Variants in SEC63 observed in about 807,000 individuals in gnomAD.
The protein encoded by SEC63 is SEC63 protein translocation regulator, also known as translocation protein SEC63 homolog.
SEC63 carries 56 observed loss-of-function variants against 116.2 expected under a neutral mutation model. That is an observed-to-expected ratio of 0.48 (90% CI 0.39 to 0.60). The LOEUF is 0.60. Ranked by LOEUF, SEC63 falls within the 20% of genes least tolerant of loss-of-function variation. The pLI is 0.00. For missense variants in SEC63, 668 were observed against 900.0 expected, an observed-to-expected ratio of 0.74 and a Z score of 3.30; for synonymous variants, 273 against 294.6, an observed-to-expected ratio of 0.93 and a Z score of 0.75.
chr6:107,903,471 T>A (rs368085153), intron 11 of SEC63, among the ~76,000 whole-genome samples: 3 of 149,648 alleles, frequency 2.0e-5, no homozygotes, highest in East Asian at 3.9e-4. Context: ...GAAGCTGAAG[T>A]GGGAGGATTG....
chr6:107,922,462 C>T (rs774226603), intron 3 of SEC63, among the ~76,000 whole-genome samples: 18 of 152,298 alleles, frequency 1.2e-4, no homozygotes, highest in South Asian at 4.1e-4. Flanking sequence ...GCTGAGACTA[C>T]GCCACTGCAC....
At chr6:107,873,592 T>C (rs1786185137) in intron 19 of SEC63, among the ~76,000 whole-genome samples, 1 of 151,492 alleles carries the variant, frequency 6.6e-6, no homozygotes, top group Non-Finnish European at 1.5e-5. Flanking sequence ...CTTAAATTAA[T>C]CTCAGTTTGG....
At chr6:107,931,749 CAA>C (rs34648738) in intron 1 of SEC63, 139 of 144,132 alleles carry the variant, frequency 9.6e-4, no homozygotes, top group Middle Eastern at 3.5e-3. Context: ...TCCGTCTCAA[CAA>C]AAAAAAAAAA....
At chr6:107,932,612 G>GA (rs529366390) in intron 1 of SEC63, among the ~76,000 whole-genome samples, 267 of 152,242 alleles carry the variant, frequency 1.8e-3, no homozygotes, top group Non-Finnish European at 2.8e-3. Flanking sequence ...AAAAAGGAGT[G>GA]AAAAAATAGA....
At chr6:107,912,069 T>C (rs551899788) in intron 6 of SEC63, among the ~76,000 whole-genome samples, 2 of 152,312 alleles carry the variant, frequency 1.3e-5, no homozygotes, top group South Asian at 4.1e-4. Context: ...TGCCAGATAA[T>C]AACTTAATAG....
At chr6:107,881,315 A>G in intron 17 of SEC63, 65 bp from the exon 18 acceptor site, 4 of 1,139,214 alleles carry the variant, frequency 3.5e-6, no homozygotes, top group South Asian at 1.3e-5. Context: ...AAGGATTTCC[A>G]GGTATTATTC....
At chr6:107,885,020 G>A (rs538489947) in intron 16 of SEC63, among the ~76,000 whole-genome samples, 4 of 151,594 alleles carry the variant, frequency 2.6e-5, no homozygotes, top group African/African-American at 7.2e-5. Flanking sequence ...TTCCTTAACC[G>A]GACAAAGAAT....
rs1367261673 is a variant in SEC63 at position 107,908,955 on chromosome 6, A to C, written c.705T>G (p.Val235=). The C allele has an allele frequency of 6.2e-7, 1 of 1,611,860 alleles. No homozygotes were observed. The highest frequency in any genetic ancestry group is 2.2e-5 in the East Asian group (1 of 44,846). ...IRTTQIYTYF[V]YKTRNMDMKR... Reference sequence around the variant, plus strand: ...TCATATCCATATTTCGGGTTTTATAAACAAAGTATGTATAAATCTGTGTTG... The same window carrying C: ...TCATATCCATATTTCGGGTTTTATACACAAAGTATGTATAAATCTGTGTTG... Residue 235 remains valine, a synonymous_variant, in exon 8 of 21, where the codon GTT becomes GTG. Transcript: ENST00000369002.
At chr6:107,892,263 C>G (rs1054907319) in intron 16 of SEC63, among the ~76,000 whole-genome samples, 1 of 152,050 alleles carries the variant, frequency 6.6e-6, no homozygotes, top group Non-Finnish European at 1.5e-5. Flanking sequence ...AGGAGGCAGT[C>G]TGGCCGCAGT....
At chr6:107,953,509 C>G (rs1770623120) in intron 1 of SEC63, among the ~76,000 whole-genome samples, 1 of 148,568 alleles carries the variant, frequency 6.7e-6, no homozygotes, top group African/African-American at 2.5e-5. Flanking sequence ...GCCGCCCCGT[C>G]CGGGAGGGAG....
At chr6:107,893,374 C>G in intron 16 of SEC63, 108 bp downstream of exon 16, 1 of 1,057,058 alleles carries the variant, frequency 9.5e-7, no homozygotes, top group African/African-American at 1.6e-5. Flanking sequence ...TAGGGTATCA[C>G]GGGTGCATAA....
chr6:107,952,338 A>G (rs1221015025), intron 1 of SEC63, among the ~76,000 whole-genome samples: 1 of 152,066 alleles, frequency 6.6e-6, no homozygotes, highest in African/African-American at 2.4e-5. Context: ...AAATGGTGCT[A>G]TGCTTTCTGG....
At chr6:107,873,665 ATAAG>A (rs1354374398) in intron 19 of SEC63, among the ~76,000 whole-genome samples, 4 of 152,200 alleles carry the variant, frequency 2.6e-5, no homozygotes, top group African/African-American at 7.2e-5. Context: ...ACTACAAAAA[ATAAG>A]TAAGAAAATG....
chr6:107,885,181 G>A (rs6906957), intron 16 of SEC63, among the ~76,000 whole-genome samples: 124,244 of 151,882 alleles, frequency 0.82, 51,098 homozygotes, highest in Middle Eastern at 0.91. Context: ...AGGCAGAAAG[G>A]AAGAAAGAAA....
Position 107,902,086 on chromosome 6 carries a change from T to C in SEC63, c.1210-569A>G, listed in dbSNP as rs111634132. On this transcript the variant is annotated intron_variant, in intron 12 of 20. Coordinates refer to ENST00000369002, the MANE Select transcript of SEC63 (RefSeq NM_007214.5). ...TAATTTTCCAGGTGTTTGGTGCTAG[T>C]TATTTTTCACTTTCAAAGACACAGA... Among the ~76,000 whole-genome samples the C allele has an allele frequency of 2.0e-3, 305 of 152,288 alleles. 1 individual carries two copies. The highest frequency in any genetic ancestry group is 6.8e-3 in the Middle Eastern group (2 of 292).
rs1434103239 is a variant in SEC63 at position 107,945,304 on chromosome 6, T to TC, written c.124+12581dup. Among the ~76,000 whole-genome samples the TC allele has an allele frequency of 3.3e-5, 5 of 150,580 alleles. No individual in the cohort carries two copies. The East Asian group carries it at 7.8e-4, about 23-fold the overall frequency. ...CAAAATGTAAAGAATATCTTTCTTT[T>TC]CTTTTTTTTTTTTTTGTTTTGAGAC... is the stretch of plus-strand genomic sequence containing the variant. On this transcript the variant is annotated intron_variant, in intron 1 of 20. Coordinates refer to ENST00000369002, the MANE Select transcript of SEC63 (RefSeq NM_007214.5).
chr6:107,956,439 C>A (rs1770712386), intron 1 of SEC63, among the ~76,000 whole-genome samples: 1 of 152,134 alleles, frequency 6.6e-6, no homozygotes. Context: ...ACAATCACTG[C>A]CCAAAGAACC....
In SEC63 at chr6:107,901,504, GTT is replaced by G; in HGVS notation, c.1221_1222del (p.Lys407AsnfsTer21). On this transcript the variant is annotated frameshift_variant, in exon 13 of 21. Transcript: ENST00000369002. LOFTEE classifies it high-confidence loss of function. ...TTTTAAACTCACCAAATCCTGGATAGTTTTAATTTTATACTGAATAAAAAAAA... is the reference window on the plus strand; with the variant it reads ...TTTTAAACTCACCAAATCCTGGATAGTTAATTTTATACTGAATAAAAAAAA... 1 of 1,560,264 alleles carries G rather than the reference GTT, an allele frequency of 6.4e-7. No individual in the cohort carries two copies. Among genetic ancestry groups the G allele is most frequent in the Non-Finnish European group, 8.8e-7 (1 of 1,133,256 alleles).
At chr6:107,892,844 T>C (rs959190710) in intron 16 of SEC63, among the ~76,000 whole-genome samples, 1 of 151,980 alleles carries the variant, frequency 6.6e-6, no homozygotes, top group Non-Finnish European at 1.5e-5. Context: ...TGTTGGTGAG[T>C]ACGTAGAACA....
Sources: allele counts gnomAD v4.1 joint callset (sites outside exome capture counted in the v4.1 genomes callset), GRCh38; gene constraint gnomAD v4.1.1; transcripts MANE v1.5; gene names NCBI Gene and HGNC (gene_info 2026-07-23, HGNC 2026-07-21).